Variants in DCLK2 observed in about 807,000 individuals in gnomAD.
DCLK2 encodes doublecortin like kinase 2, also known as serine/threonine-protein kinase DCLK2.
DCLK2 carries 31 observed loss-of-function variants against 78.4 expected under a neutral mutation model. The observed-to-expected ratio is 0.40, with a 90% CI of 0.30 to 0.53. The LOEUF is 0.53. Among genes scored for constraint, DCLK2 ranks in the 20% least tolerant of loss-of-function variants. The probability of loss-of-function intolerance (pLI) is 0.61; values close to 1 mark genes in which losing one functional copy is unlikely to be tolerated. For missense variants in DCLK2, 872 were observed against 973.7 expected (o/e 0.90, Z 1.39); for synonymous variants, 407 against 374.9 (o/e 1.09, Z -0.99).
In DCLK2 at chr4:150,225,440, C is replaced by T. The variant is rs755993226; in HGVS notation, c.1299+882C>T. On this transcript the variant is annotated intron_variant, in intron 8 of 15. Coordinates refer to ENST00000296550, the MANE Select transcript of DCLK2 (RefSeq NM_001040260.4). ...ACTATGTTTGAAAAAATAAATATTC[C>T]GTTGCAGCAATGACAAAGACCTTTT... 2.6e-5 allele frequency among the ~76,000 whole-genome samples: 4 copies of T among 152,174 alleles called. No individual in the cohort carries two copies. The East Asian group carries it at 5.8e-4, about 22-fold the overall frequency.
At chr4:150,137,472 C>T (rs1733778757) in intron 2 of DCLK2, among the ~76,000 whole-genome samples, 1 of 151,874 alleles carries the variant, frequency 6.6e-6, no homozygotes, top group Non-Finnish European at 1.5e-5. Flanking sequence ...CTACAAAGGA[C>T]ATGTATACAG....
At chr4:150,174,463 G>T (rs1224803624) in intron 2 of DCLK2, among the ~76,000 whole-genome samples, 1 of 152,132 alleles carries the variant, frequency 6.6e-6, no homozygotes, top group East Asian at 1.9e-4. Flanking sequence ...GTCAGAAGCG[G>T]GGACTGCTTT....
chr4:150,101,328 G>A (rs148048210), intron 1 of DCLK2, among the ~76,000 whole-genome samples: 7 of 152,028 alleles, frequency 4.6e-5, no homozygotes, highest in East Asian at 1.9e-4. Flanking sequence ...ATGTGCCTTC[G>A]GAGACTGTAC....
chr4:150,201,804 CA>C (rs35286104), intron 4 of DCLK2, among the ~76,000 whole-genome samples: 132,446 of 151,204 alleles, frequency 0.88, 58,342 homozygotes, highest in Middle Eastern at 0.96. Flanking sequence ...GAGAAAATAC[CA>C]AAAAAAAAAG....
intron 2 of DCLK2, among the ~76,000 whole-genome samples, chr4:150,147,686 C>T (rs1213467903): frequency 1.3e-5 from 2 of 152,128 alleles, no homozygotes; most frequent in Non-Finnish European, 2.9e-5. Flanking sequence ...AAAGAAACAC[C>T]TGGACTTCAT....
In DCLK2 at chr4:150,175,008, AAAAAT is replaced by A. The variant is rs1407235200; in HGVS notation, c.757-18128_757-18124del. 2.4e-4 allele frequency among the ~76,000 whole-genome samples: 8 copies of A among 33,110 alleles called. 1 individual carries two copies. The highest frequency in any genetic ancestry group is 7.1e-4 in the African/African-American group (8 of 11,246). The allele number at this position is 33,110 out of a possible 152,430, so 21.7% of individuals were successfully genotyped here. On this transcript the variant is annotated intron_variant, in intron 2 of 15. Coordinates refer to ENST00000296550, the MANE Select transcript of DCLK2 (RefSeq NM_001040260.4). ...GTGAGACTCCGTCGCAAAAAAAAAAAAAAATATATATATATATATATATATTTATA... is the reference window on the plus strand; with the variant it reads ...GTGAGACTCCGTCGCAAAAAAAAAAAATATATATATATATATATATTTATA...
At chr4:150,201,875 A>G (rs1371902253) in intron 4 of DCLK2, among the ~76,000 whole-genome samples, 1 of 152,322 alleles carries the variant, frequency 6.6e-6, no homozygotes, top group East Asian at 1.9e-4. Flanking sequence ...TGCCGGTCAT[A>G]ATCTCTCTTT....
At chr4:150,131,081 G>A (rs968992196) in intron 2 of DCLK2, among the ~76,000 whole-genome samples, 2 of 152,080 alleles carry the variant, frequency 1.3e-5, no homozygotes, top group Non-Finnish European at 2.9e-5. Context: ...GGAGTGCAGT[G>A]GTGTGATCAT....
intron 5 of DCLK2, among the ~76,000 whole-genome samples, chr4:150,207,542 C>G (rs1016434756): frequency 1.3e-5 from 2 of 152,146 alleles, no homozygotes; most frequent in Admixed American, 6.5e-5. Flanking sequence ...AAAATGTACT[C>G]GTAGTTTTCT....
At chr4:150,247,561 G>A (rs376445973) in intron 12 of DCLK2, 42 bp from the exon 13 acceptor site, 71 of 1,580,390 alleles carry the variant, frequency 4.5e-5, no homozygotes, top group South Asian at 2.0e-4. Flanking sequence ...AAAATTCTAC[G>A]GTGACTTTGA....
chr4:150,248,474 G>A, intron 14 of DCLK2, 89 bp downstream of exon 14: 3 of 1,063,536 alleles, frequency 2.8e-6, no homozygotes, highest in Non-Finnish European at 4.4e-6. Context: ...ACATGCAAAA[G>A]TTATGCATCC....
At position 150,168,160 on chromosome 4, in the gene DCLK2, A is replaced by G. The variant is rs555758078; in HGVS notation, c.757-24978A>G. Among the ~76,000 whole-genome samples, 27 of 152,168 alleles carry G rather than the reference A, an allele frequency of 1.8e-4. 2 individuals carry two copies. Among genetic ancestry groups the G allele is most frequent in the East Asian group, 5.8e-4 (3 of 5,154 alleles). On this transcript the variant is annotated intron_variant, in intron 2 of 15. Coordinates refer to ENST00000296550, the MANE Select transcript of DCLK2 (RefSeq NM_001040260.4). ...AGATCGAGACCATCCTGGCTAACAC[A>G]GTGAAACCCCGTCTCTACTAAAAAT...
intron 5 of DCLK2, among the ~76,000 whole-genome samples, chr4:150,205,656 C>T (rs1307390791): frequency 2.0e-5 from 3 of 152,166 alleles, no homozygotes; most frequent in Non-Finnish European, 4.4e-5. Context: ...AGATTTTTCT[C>T]CTATTTTCCC....
At chr4:150,175,452 C>T (rs967260430) in intron 2 of DCLK2, 5 of 151,832 alleles carry the variant, frequency 3.3e-5, no homozygotes, top group Admixed American at 3.3e-4. Context: ...CAGTCTTTCT[C>T]CTGTGGCTGG....
chr4:150,212,153 G>T (rs377034161), intron 5 of DCLK2, among the ~76,000 whole-genome samples: 1 of 152,162 alleles, frequency 6.6e-6, no homozygotes, highest in East Asian at 1.9e-4. Flanking sequence ...CATTCTTGCC[G>T]GTTGAAAGAA....
At chr4:150,222,775 A>T (rs1741290230) in intron 7 of DCLK2, among the ~76,000 whole-genome samples, 4 of 152,096 alleles carry the variant, frequency 2.6e-5, no homozygotes, top group Admixed American at 2.6e-4. Flanking sequence ...CTGAGGCACG[A>T]GAATCACTTG....
intron 2 of DCLK2, among the ~76,000 whole-genome samples, chr4:150,134,807 C>T (rs1733574220): frequency 6.6e-6 from 1 of 151,932 alleles, no homozygotes; most frequent in Non-Finnish European, 1.5e-5. Context: ...GCCATAGTTC[C>T]CCAAATCATG....
intron 2 of DCLK2, among the ~76,000 whole-genome samples, chr4:150,167,308 A>G (rs555680795): frequency 6.6e-6 from 1 of 152,388 alleles, no homozygotes; most frequent in Admixed American, 6.5e-5. Context: ...GTGACTACAC[A>G]AGTGACTGCT....
At chr4:150,224,697 T>C in intron 8 of DCLK2, 139 bp downstream of exon 8, 1 of 575,996 alleles carries the variant, frequency 1.7e-6, no homozygotes, top group African/African-American at 1.9e-5. Flanking sequence ...GGAAAAACAG[T>C]TAAGCGGTTT....
Sources: gnomAD v4.1 joint callset for allele counts (sites outside exome capture counted in the v4.1 genomes callset) on GRCh38, gnomAD v4.1.1 for gene constraint, MANE v1.5 for transcripts, NCBI Gene and HGNC (gene_info 2026-07-23, HGNC 2026-07-21) for gene names.